KCNMB2: variants seen among roughly 807,000 people sequenced by gnomAD.
KCNMB2 encodes calcium-activated potassium channel subunit beta-2.
KCNMB2 carries 9 observed loss-of-function variants against 24.5 expected under a neutral mutation model. The observed-to-expected ratio is 0.37, with a 90% CI of 0.22 to 0.64. The LOEUF is 0.64. Among genes scored for constraint, KCNMB2 ranks in the 30% least tolerant of loss-of-function variants. The pLI is 0.63. For synonymous variants in KCNMB2, 109 were observed against 104.4 expected (o/e 1.04, Z -0.27); for missense variants, 226 against 284.3 (o/e 0.79, Z 1.47).
chr3:178,665,601 T>A (rs925024327), intron 1 of KCNMB2, among the ~76,000 whole-genome samples: 1 of 152,156 alleles, frequency 6.6e-6, no homozygotes, highest in African/African-American at 2.4e-5. Context: ...TTTCAATGAC[T>A]TTGAGATTAG....
chr3:178,747,876 C>T (rs978920955), intron 1 of KCNMB2, among the ~76,000 whole-genome samples: 1 of 152,190 alleles, frequency 6.6e-6, no homozygotes, highest in Non-Finnish European at 1.5e-5. Flanking sequence ...AGGTGTTCAC[C>T]CTGAACCAGT....
In KCNMB2 at chr3:178,632,843, C is replaced by T. The variant is rs183227938; in HGVS notation, c.-68+96132C>T. ...AAGGCAAGTCCCTTCTGCCTATGAG[C>T]CTGTAAAATCAAAAGCAAGTTAGTT... On this transcript the variant is annotated intron_variant, in intron 1 of 4. Coordinates refer to ENST00000452583, the MANE Select transcript of KCNMB2 (RefSeq NM_181361.3). Among the ~76,000 whole-genome samples the T allele has an allele frequency of 1.6e-4, 25 of 152,268 alleles. No individual in the cohort carries two copies. The East Asian group carries it at 3.9e-3, about 24-fold the overall frequency.
At chr3:178,666,718 G>A (rs926030410) in intron 1 of KCNMB2, among the ~76,000 whole-genome samples, 1 of 152,092 alleles carries the variant, frequency 6.6e-6, no homozygotes, top group Non-Finnish European at 1.5e-5. Context: ...AAATGCCAAG[G>A]CAAGGAATAG....
chr3:178,806,042 T>C (rs1713954594), intron 1 of KCNMB2, among the ~76,000 whole-genome samples: 1 of 152,188 alleles, frequency 6.6e-6, no homozygotes, highest in Non-Finnish European at 1.5e-5. Flanking sequence ...GGAGGTAGGA[T>C]TTCTTGAACC....
chr3:178,833,809 A>C (rs1715128695), intron 4 of KCNMB2, among the ~76,000 whole-genome samples: 1 of 152,110 alleles, frequency 6.6e-6, no homozygotes, highest in African/African-American at 2.4e-5. Context: ...ACCTCTTGTC[A>C]ACATTATGAC....
At chr3:178,825,515 G>A in intron 2 of KCNMB2, 73 bp from the exon 3 acceptor site, 1 of 1,372,412 alleles carries the variant, frequency 7.3e-7, no homozygotes, top group South Asian at 1.3e-5. Context: ...GGCATGGGCA[G>A]AAACTGACCT....
chr3:178,594,474 A>G (rs77991304), intron 1 of KCNMB2, among the ~76,000 whole-genome samples: 4,632 of 152,206 alleles, frequency 0.03, 249 homozygotes, highest in African/African-American at 0.11. Flanking sequence ...GTGTGACAGA[A>G]TGAAGAAATC....
At chr3:178,732,361 TCA>T (rs1318927820) in intron 1 of KCNMB2, among the ~76,000 whole-genome samples, 3 of 152,224 alleles carry the variant, frequency 2.0e-5, no homozygotes, top group Non-Finnish European at 4.4e-5. Context: ...TGAAGAACTT[TCA>T]CAGTCATTCA....
chr3:178,603,161 A>G (rs762166334), intron 1 of KCNMB2, among the ~76,000 whole-genome samples: 6 of 152,158 alleles, frequency 3.9e-5, no homozygotes, highest in Non-Finnish European at 5.9e-5. Flanking sequence ...AAAATGAGGA[A>G]GAGATGGGAC....
chr3:178,682,650 T>C (rs1721309343), intron 1 of KCNMB2, among the ~76,000 whole-genome samples: 1 of 151,902 alleles, frequency 6.6e-6, no homozygotes, highest in African/African-American at 2.4e-5. Flanking sequence ...TAATTTTCTA[T>C]AAGAAACTTA....
At chr3:178,809,456 T>C (rs1477494657) in intron 2 of KCNMB2, among the ~76,000 whole-genome samples, 1 of 152,200 alleles carries the variant, frequency 6.6e-6, no homozygotes, top group African/African-American at 2.4e-5. Context: ...GCTTCACAGA[T>C]GAGGAAACTG....
At chr3:178,708,757 G>C (rs771643917) in intron 1 of KCNMB2, among the ~76,000 whole-genome samples, 7 of 152,068 alleles carry the variant, frequency 4.6e-5, no homozygotes, top group Non-Finnish European at 7.4e-5. Flanking sequence ...CTTTTACAAA[G>C]AGGATATTGA....
chr3:178,559,315 A>G (rs1375544592), intron 1 of KCNMB2, among the ~76,000 whole-genome samples: 4 of 152,142 alleles, frequency 2.6e-5, no homozygotes, highest in Non-Finnish European at 4.4e-5. Flanking sequence ...ATTTTAAAAC[A>G]TTGCGTGATG....
intron 1 of KCNMB2, among the ~76,000 whole-genome samples, chr3:178,712,003 T>C (rs181915327): frequency 1.4e-4 from 21 of 152,340 alleles, no homozygotes. Context: ...CCTCTCTCTG[T>C]CAGACAAAAT....
At chr3:178,604,047 C>A (rs1281221947) in intron 1 of KCNMB2, among the ~76,000 whole-genome samples, 11 of 152,256 alleles carry the variant, frequency 7.2e-5, no homozygotes, top group Non-Finnish European at 1.5e-4. Context: ...CTGCTCACCT[C>A]TTTCTCTAAA....
At chr3:178,711,035 G>A (rs1198568166) in intron 1 of KCNMB2, among the ~76,000 whole-genome samples, 1 of 152,032 alleles carries the variant, frequency 6.6e-6, no homozygotes, top group Admixed American at 6.6e-5. Context: ...CTCTGTTCCA[G>A]GAACTATACC....
At position 178,631,849 on chromosome 3, in the gene KCNMB2, T is replaced by C. The variant is rs1007423295; in HGVS notation, c.-68+95138T>C. Among the ~76,000 whole-genome samples, 8 of 152,332 alleles carry C rather than the reference T, an allele frequency of 5.3e-5. 1 individual carries two copies. Among genetic ancestry groups the C allele is most frequent in the African/African-American group, 1.9e-4 (8 of 41,556 alleles). On this transcript the variant is annotated intron_variant, in intron 1 of 4. Transcript: ENST00000452583. ...ACAGAAGCATACCTAGCATAATAAC[T>C]AGGTATAATAATTAACCAGATGTTA...
Position 178,701,156 on chromosome 3 carries a change from G to T in KCNMB2, c.-67-106187G>T, listed in dbSNP as rs535191128. Among the ~76,000 whole-genome samples, 7 of 152,314 alleles carry T rather than the reference G, an allele frequency of 4.6e-5. No homozygotes were observed. The East Asian group carries it at 1.2e-3, about 25-fold the overall frequency. On this transcript the variant is annotated intron_variant, in intron 1 of 4. Transcript: ENST00000452583. Reference sequence around the variant, plus strand: ...GTATAAGGTGTAAGAAAGGGATCCAGTTTCAGCTTTCTACATACGGCTAGC... The same window carrying T: ...GTATAAGGTGTAAGAAAGGGATCCATTTTCAGCTTTCTACATACGGCTAGC...
At chr3:178,584,681 T>A (rs919355299) in intron 1 of KCNMB2, among the ~76,000 whole-genome samples, 3 of 149,536 alleles carry the variant, frequency 2.0e-5, no homozygotes, top group African/African-American at 7.5e-5. Flanking sequence ...ACAGTCTTAA[T>A]AAATAATAAA....
Sources: allele counts gnomAD v4.1 joint callset (sites outside exome capture counted in the v4.1 genomes callset), GRCh38; gene constraint gnomAD v4.1.1; transcripts MANE v1.5; gene names NCBI Gene and HGNC (gene_info 2026-07-23, HGNC 2026-07-21).